PPM1D: variants seen among roughly 807,000 people sequenced by gnomAD.
PPM1D encodes protein phosphatase, Mg2+/Mn2+ dependent 1D.
A neutral mutation model predicts 58.3 loss-of-function variants in PPM1D; 52 were observed. The observed-to-expected ratio is 0.89, with a 90% CI of 0.71 to 1.12. The LOEUF (loss-of-function observed/expected upper bound fraction) is 1.12, where lower values mean the gene tolerates loss of function less well. Among genes scored for constraint, PPM1D ranks in the 50% most tolerant of loss-of-function variants. The pLI, the probability that PPM1D is intolerant of heterozygous loss-of-function variation, is 0.00. For synonymous variants in PPM1D, 278 were observed against 285.1 expected (o/e 0.98, Z 0.25); for missense variants, 564 against 777.2 (o/e 0.73, Z 3.26).
At chr17:60,614,979 C>T (rs1171682099) in intron 1 of PPM1D, among the ~76,000 whole-genome samples, 1 of 152,236 alleles carries the variant, frequency 6.6e-6, no homozygotes, top group Admixed American at 6.5e-5. Flanking sequence ...ATTCTGGACA[C>T]ATTACTACCT....
At chr17:60,649,272 T>C (rs1455478292) in intron 4 of PPM1D, among the ~76,000 whole-genome samples, 3 of 152,144 alleles carry the variant, frequency 2.0e-5, no homozygotes, top group Non-Finnish European at 4.4e-5. Context: ...TGGAAGTATC[T>C]GGAATCAAAA....
At chr17:60,657,050 TG>T in intron 5 of PPM1D, 1 of 1,466,618 alleles carries the variant, frequency 6.8e-7, no homozygotes. Flanking sequence ...AAGGTGATTG[TG>T]GGCCCTTAAG....
intron 4 of PPM1D, among the ~76,000 whole-genome samples, chr17:60,649,288 A>G (rs190462110): frequency 8.5e-4 from 129 of 152,304 alleles, no homozygotes; most frequent in African/African-American, 2.7e-3. Flanking sequence ...CAAAAATCCA[A>G]AGATGGGTTA....
chr17:60,624,959 G>A (rs2030777055), intron 2 of PPM1D, among the ~76,000 whole-genome samples: 2 of 152,004 alleles, frequency 1.3e-5, no homozygotes, highest in Admixed American at 1.3e-4. Context: ...GGGGAACATG[G>A]TGAAACCCCA....
chr17:60,623,950 A>G (rs991553003), intron 2 of PPM1D, among the ~76,000 whole-genome samples: 2 of 152,222 alleles, frequency 1.3e-5, no homozygotes, highest in Admixed American at 1.3e-4. Context: ...ATTTCTGATA[A>G]TGACTCTAAT....
intron 2 of PPM1D, among the ~76,000 whole-genome samples, chr17:60,633,578 C>CT (rs909700750): frequency 5.3e-5 from 8 of 150,760 alleles, no homozygotes; most frequent in East Asian, 1.9e-4. Flanking sequence ...GGTAGTGTTG[C>CT]TTTTTTTTTG....
chr17:60,613,550 G>A (rs1393487023), intron 1 of PPM1D, among the ~76,000 whole-genome samples: 1 of 152,262 alleles, frequency 6.6e-6, no homozygotes, highest in Non-Finnish European at 1.5e-5. Context: ...CTGCACTGTG[G>A]GAGCCCCTCC....
intron 1 of PPM1D, among the ~76,000 whole-genome samples, chr17:60,615,651 G>A (rs1030845130): frequency 8.0e-5 from 12 of 150,404 alleles, no homozygotes; most frequent in African/African-American, 2.9e-4. Context: ...CTTTGGAAAA[G>A]TATGTGGGAG....
intron 4 of PPM1D, among the ~76,000 whole-genome samples, chr17:60,651,430 G>A (rs971345006): frequency 9.6e-5 from 14 of 145,112 alleles, no homozygotes; most frequent in Admixed American, 4.2e-4. Context: ...ATGTAATCTC[G>A]CTGTGTTGCC....
At chr17:60,606,625 T>C (rs1183704523) in intron 1 of PPM1D, among the ~76,000 whole-genome samples, 4 of 152,196 alleles carry the variant, frequency 2.6e-5, no homozygotes, top group African/African-American at 9.7e-5. Context: ...ATAGCTTTTC[T>C]ATGTTACTGA....
intron 2 of PPM1D, among the ~76,000 whole-genome samples, chr17:60,624,398 A>G (rs2143656698): frequency 6.6e-6 from 1 of 152,356 alleles, no homozygotes; most frequent in Middle Eastern, 3.4e-3. Context: ...TAATCCTTCT[A>G]ACTAAAGCCT....
At chr17:60,631,769 A>G (rs2030925485) in intron 2 of PPM1D, among the ~76,000 whole-genome samples, 1 of 152,216 alleles carries the variant, frequency 6.6e-6, no homozygotes, top group African/African-American at 2.4e-5. Context: ...AATTAATAAA[A>G]ATTAAATTTA....
chr17:60,644,018 G>C (rs947145091), intron 3 of PPM1D, among the ~76,000 whole-genome samples: 1 of 150,058 alleles, frequency 6.7e-6, no homozygotes, highest in African/African-American at 2.4e-5. Context: ...CCGAGTAGCT[G>C]GGATTACAGG....
rs200117358 is a variant in PPM1D at position 60,627,815 on chromosome 17, T to C, written c.701+4066T>C. Among the ~76,000 whole-genome samples, 4 of 152,228 alleles carry C rather than the reference T, an allele frequency of 2.6e-5. No individual in the cohort carries two copies. The East Asian group carries it at 7.7e-4, about 29-fold the overall frequency. On this transcript the variant is annotated intron_variant, in intron 2 of 5. Transcript: ENST00000305921. ...TAGTTTCTTAAGGTATCTGAAACTT[T>C]ATTAATGAACTTTGCATATTCTTAC...
At chr17:60,606,666 G>C (rs1293051112) in intron 1 of PPM1D, among the ~76,000 whole-genome samples, 1 of 152,080 alleles carries the variant, frequency 6.6e-6, no homozygotes, top group Non-Finnish European at 1.5e-5. Flanking sequence ...TGTTAAGCTT[G>C]ACCTCTCTTG....
chr17:60,621,563 A>ATTTTT (rs775950363), intron 1 of PPM1D, among the ~76,000 whole-genome samples: 2 of 96,100 alleles, frequency 2.1e-5, no homozygotes, highest in African/African-American at 3.8e-5. Flanking sequence ...TATTTTTTGT[A>ATTTTT]TTTTTTTTTT....
At chr17:60,642,468 C>T (rs1488725435) in intron 3 of PPM1D, among the ~76,000 whole-genome samples, 1 of 145,204 alleles carries the variant, frequency 6.9e-6, no homozygotes, top group Non-Finnish European at 1.5e-5. Flanking sequence ...CAAAGAAAAT[C>T]TTTTTTTTTG....
intron 1 of PPM1D, among the ~76,000 whole-genome samples, chr17:60,610,199 T>C (rs964989893): frequency 2.0e-5 from 3 of 150,560 alleles, no homozygotes; most frequent in Admixed American, 6.6e-5. Flanking sequence ...AAAAAAGATA[T>C]GTATGTACGT....
chr17:60,662,051 C>A (rs556988804), intron 5 of PPM1D, among the ~76,000 whole-genome samples: 1 of 152,174 alleles, frequency 6.6e-6, no homozygotes, highest in African/African-American at 2.4e-5. Flanking sequence ...GGCTGGAGTG[C>A]AGTGGTGCGA....
Sources: allele counts gnomAD v4.1 joint callset (sites outside exome capture counted in the v4.1 genomes callset), GRCh38; gene constraint gnomAD v4.1.1; transcripts MANE v1.5; gene names NCBI Gene and HGNC (gene_info 2026-07-23, HGNC 2026-07-21).